Variants in SLC4A7 observed in about 807,000 individuals in gnomAD.
SLC4A7 encodes the protein solute carrier family 4 member 7.
SLC4A7 carries 51 observed loss-of-function variants against 137.6 expected under a neutral mutation model. That is an observed-to-expected ratio of 0.37 (90% CI 0.30 to 0.47). The LOEUF (loss-of-function observed/expected upper bound fraction) is 0.47. Among genes scored for constraint, SLC4A7 ranks in the 20% least tolerant of loss-of-function variants. SLC4A7 has a pLI of 1.00. For missense variants in SLC4A7, 1,247 were observed against 1,525.4 expected (o/e 0.82, Z 3.04); for synonymous variants, 542 against 518.6 (o/e 1.05, Z -0.61).
At chr3:27,471,089 A>G (rs1342356558) in intron 1 of SLC4A7, among the ~76,000 whole-genome samples, 1 of 152,238 alleles carries the variant, frequency 6.6e-6, no homozygotes, top group African/African-American at 2.4e-5. Flanking sequence ...CATGTCATGT[A>G]TGTATGCATG....
intron 1 of SLC4A7, among the ~76,000 whole-genome samples, chr3:27,475,612 A>C (rs2059431523): frequency 6.6e-6 from 1 of 152,192 alleles, no homozygotes; most frequent in South Asian, 2.1e-4. Flanking sequence ...AGGCCAAATG[A>C]AGGCCAATTT....
rs551290340 is a variant in SLC4A7 at position 27,401,729 on chromosome 3, T to C, written c.2322-860A>G. The stretch of plus-strand genomic sequence containing the variant: ...CTAACACAGTGCCTGCAGACGCTCA[T>C]AGAATGTTGGCCAAATAAATGTAAT... On this transcript the variant is annotated intron_variant, in intron 15 of 25. Coordinates refer to ENST00000454389, the MANE Select transcript of SLC4A7 (RefSeq NM_001321103.2). Among the ~76,000 whole-genome samples, 13 of 152,292 alleles carry C rather than the reference T, an allele frequency of 8.5e-5. No individual in the cohort carries two copies. The South Asian group carries it at 1.2e-3, about 15-fold the overall frequency.
At chr3:27,376,903 A>C (rs1000381466) in intron 25 of SLC4A7, 58 bp from the exon 26 acceptor site, 2 of 835,424 alleles carry the variant, frequency 2.4e-6, no homozygotes, top group Non-Finnish European at 3.5e-6. Flanking sequence ...TCAATTCTAA[A>C]CATGGCTAAC....
chr3:27,415,906 C>T (rs766487856), intron 11 of SLC4A7, among the ~76,000 whole-genome samples: 1 of 152,138 alleles, frequency 6.6e-6, no homozygotes. Flanking sequence ...GACGACTTTA[C>T]GTTTCCTTTT....
At chr3:27,430,000 G>A (rs773537323) in intron 7 of SLC4A7, among the ~76,000 whole-genome samples, 10 of 152,164 alleles carry the variant, frequency 6.6e-5, no homozygotes, top group Non-Finnish European at 1.3e-4. Context: ...AGGATTGCTT[G>A]AGGCCAGGAG....
chr3:27,424,163 A>G lies in SLC4A7; in HGVS notation c.1151-11T>C. On this transcript the variant is annotated splice_polypyrimidine_tract_variant and intron_variant, in intron 7 of 25. Coordinates refer to ENST00000454389, the MANE Select transcript of SLC4A7 (RefSeq NM_001321103.2). ...GAGAGGCCAAAATACCTATGTTTAAAGACAAATTCCAAATTAGTAAGGAGA... is the reference window on the plus strand; with the variant it reads ...GAGAGGCCAAAATACCTATGTTTAAGGACAAATTCCAAATTAGTAAGGAGA... The G allele has an allele frequency of 7.1e-7, 1 of 1,407,680 alleles. No individual in the cohort carries two copies. The highest frequency in any genetic ancestry group is 1.9e-5 in the Admixed American group (1 of 51,750). 87.2% of individuals were successfully genotyped at this position (1,407,680 alleles called of 1,614,324 possible).
chr3:27,414,090 G>A (rs1481663393), intron 11 of SLC4A7, among the ~76,000 whole-genome samples: 1 of 152,108 alleles, frequency 6.6e-6, no homozygotes, highest in Admixed American at 6.6e-5. Flanking sequence ...GACCAGCCTG[G>A]CCAACATGGT....
intron 7 of SLC4A7, chr3:27,428,161 G>T (rs568312376): frequency 1.3e-5 from 2 of 153,078 alleles, no homozygotes; most frequent in Non-Finnish European, 2.9e-5. Context: ...TTTTAGGGTT[G>T]TTTTCCTCTT....
rs1064080 is a variant in SLC4A7 at position 27,389,988 on chromosome 3, A to C, written c.3303T>G (p.Cys1101Trp). The change falls in exon 22 of 26, where the codon TGT (cysteine) becomes TGG (tryptophan). Residue 1101 changes from cysteine (C) to tryptophan (W), a missense_variant. Around this residue, in one of 6 missense-constraint regions of SLC4A7, gnomAD observed 290 missense variants for 323.8 expected, o/e 0.90. Transcript: ENST00000454389. ...VHIFTVIQLT[C>W]LVLLWVIKVS... ...CTTTTATCACCCATAAAAGGACCAA[A>C]CAAGTAAGCTGAATGACTGTGAAAA... is the stretch of plus-strand genomic sequence containing the variant. 1 of 1,614,046 alleles carries C rather than the reference A, an allele frequency of 6.2e-7. No individual in the cohort carries two copies. The highest frequency in any genetic ancestry group is 1.1e-5 in the South Asian group (1 of 91,078).
chr3:27,444,202 T>C (rs1429308328), intron 3 of SLC4A7, among the ~76,000 whole-genome samples: 1 of 152,202 alleles, frequency 6.6e-6, no homozygotes, highest in African/African-American at 2.4e-5. Context: ...CTATTTCCAA[T>C]TTTATCATGT....
chr3:27,447,611 C>CTAAGAAGT (rs2057756031), intron 3 of SLC4A7, among the ~76,000 whole-genome samples: 1 of 147,942 alleles, frequency 6.8e-6, no homozygotes, highest in Non-Finnish European at 1.5e-5. Context: ...AAGTATAATG[C>CTAAGAAGT]CTAAGAATCC....
intron 1 of SLC4A7, among the ~76,000 whole-genome samples, chr3:27,464,143 C>T (rs1320519172): frequency 6.6e-6 from 1 of 152,158 alleles, no homozygotes; most frequent in African/African-American, 2.4e-5. Flanking sequence ...CACTGCACTC[C>T]AGCCTGGGAG....
intron 18 of SLC4A7, among the ~76,000 whole-genome samples, chr3:27,396,817 C>T (rs531725493): frequency 5.9e-5 from 9 of 152,198 alleles, no homozygotes; most frequent in African/African-American, 2.2e-4. Context: ...AAAACAAAAA[C>T]AGAGCAGAAG....
chr3:27,461,606 CAAAAA>C (rs200548018), intron 1 of SLC4A7, among the ~76,000 whole-genome samples: 39 of 86,796 alleles, frequency 4.5e-4, no homozygotes, highest in Non-Finnish European at 7.1e-4. Flanking sequence ...ACCTCGTTTA[CAAAAA>C]AAAAAAAAAA....
chr3:27,459,394 TA>T (rs1255661273), intron 1 of SLC4A7, among the ~76,000 whole-genome samples: 2 of 149,162 alleles, frequency 1.3e-5, no homozygotes, highest in East Asian at 3.9e-4. Flanking sequence ...AGTTTTAGTT[TA>T]ATACATTATT....
chr3:27,429,659 G>A (rs2056060398), intron 7 of SLC4A7, among the ~76,000 whole-genome samples: 1 of 152,082 alleles, frequency 6.6e-6, no homozygotes, highest in Admixed American at 6.6e-5. Context: ...AGACTAGCCT[G>A]GCCAACATGG....
intron 23 of SLC4A7, 111 bp downstream of exon 23, chr3:27,385,781 T>C (rs2050879446): frequency 1.1e-5 from 8 of 731,068 alleles, no homozygotes; most frequent in Non-Finnish European, 1.7e-5. Flanking sequence ...ATAAAGTTCT[T>C]AGAAGGATGA....
intron 13 of SLC4A7, among the ~76,000 whole-genome samples, chr3:27,407,617 T>C (rs181882181): frequency 2.6e-5 from 4 of 152,252 alleles, no homozygotes; most frequent in Admixed American, 2.6e-4. Flanking sequence ...TTCTCTACTG[T>C]ACTACCCTTT....
chr3:27,386,140 T>C, intron 22 of SLC4A7, 117 bp from the exon 23 acceptor site: 1 of 685,612 alleles, frequency 1.5e-6, no homozygotes, highest in Non-Finnish European at 2.4e-6. Context: ...TTAAAAATTA[T>C]TCACACATCA....
Sources: gnomAD v4.1 joint callset for allele counts (sites outside exome capture counted in the v4.1 genomes callset) on GRCh38, gnomAD v4.1.1 for gene constraint, gnomAD v4.1.1 regional missense constraint, MANE v1.5 for transcripts, NCBI Gene and HGNC (gene_info 2026-07-23, HGNC 2026-07-21) for gene names.